The following BMP7 variants were observed in gnomAD, a reference collection of about 807,000 sequenced individuals.
The protein encoded by BMP7 is osteogenic protein 1.
BMP7 carries 12 observed loss-of-function variants against 41.2 expected under a neutral mutation model. The observed-to-expected ratio is 0.29, with a 90% CI of 0.19 to 0.47. The LOEUF (loss-of-function observed/expected upper bound fraction) is 0.47, where lower values mean the gene tolerates loss of function less well. Ranked by LOEUF, BMP7 falls within the 20% of genes least tolerant of loss-of-function variation. The pLI is 0.99. For synonymous variants in BMP7, 248 were observed against 250.0 expected (o/e 0.99, Z 0.07); for missense variants, 467 against 606.0 (o/e 0.77, Z 2.41).
chr20:57,200,107 C>T (rs965741984), intron 3 of BMP7, among the ~76,000 whole-genome samples: 1 of 152,234 alleles, frequency 6.6e-6, no homozygotes. Flanking sequence ...ACAGCATCTA[C>T]CTTGCTGGGT....
intron 3 of BMP7, among the ~76,000 whole-genome samples, chr20:57,192,312 T>A (rs1287579990): frequency 7.1e-6 from 1 of 140,310 alleles, no homozygotes; most frequent in Non-Finnish European, 1.5e-5. Flanking sequence ...ATATAAAATA[T>A]AGAAGACATA....
chr20:57,187,585 A>C (rs376551707), intron 3 of BMP7, among the ~76,000 whole-genome samples: 32 of 57,264 alleles, frequency 5.6e-4, no homozygotes, highest in Non-Finnish European at 1.1e-3. Flanking sequence ...CTCTCTCTCT[A>C]CACGATTGAG....
At chr20:57,235,977 A>G (rs990203570) in intron 1 of BMP7, among the ~76,000 whole-genome samples, 2 of 151,776 alleles carry the variant, frequency 1.3e-5, no homozygotes, top group Non-Finnish European at 2.9e-5. Flanking sequence ...CAGGGAGCTC[A>G]GAGGAGGCTC....
chr20:57,197,627 T>C (rs230191), intron 3 of BMP7, among the ~76,000 whole-genome samples: 67,217 of 152,114 alleles, frequency 0.44, 15,884 homozygotes, highest in South Asian at 0.56. Context: ...GTGATATCAA[T>C]TGTGCTACCT....
At chr20:57,254,647 TAA>T (rs11477082) in intron 1 of BMP7, among the ~76,000 whole-genome samples, 29 of 143,338 alleles carry the variant, frequency 2.0e-4, no homozygotes, top group South Asian at 9.0e-4. Flanking sequence ...ATTGATACAG[TAA>T]AAAAAAAAAA....
At position 57,226,272 on chromosome 20, in the gene BMP7, T is replaced by C. The variant is rs182728122; in HGVS notation, c.611+1957A>G. 5.3e-5 allele frequency among the ~76,000 whole-genome samples: 8 copies of C among 152,314 alleles called. No individual in the cohort carries two copies. In the East Asian group the frequency reaches 1.5e-3, roughly 29 times the overall value. On this transcript the variant is annotated intron_variant, in intron 2 of 6. Transcript: ENST00000395863. ...TGAGTGGAGAATCCAGATAACAGCC[T>C]GGACACAGAGGCTGTGGTTTCATCC...
chr20:57,231,920 G>A (rs988775763), intron 1 of BMP7, among the ~76,000 whole-genome samples: 15 of 152,230 alleles, frequency 9.9e-5, no homozygotes, highest in Non-Finnish European at 1.6e-4. Flanking sequence ...GCACATGTTT[G>A]CTGAGTGCTA....
At chr20:57,195,155 G>A (rs560189549) in intron 3 of BMP7, among the ~76,000 whole-genome samples, 21 of 152,296 alleles carry the variant, frequency 1.4e-4, no homozygotes, top group East Asian at 3.9e-4. Context: ...CGAACTCTGC[G>A]GAAAGACCCT....
rs571769906 is a variant in BMP7, at chr20:57,219,045, G to A, written c.611+9184C>T. On this transcript the variant is annotated intron_variant, in intron 2 of 6. Transcript: ENST00000395863. ...TTTGTTTGGTGGTAGCTGGCGTTCGGTGGTAGCTGGCATTTGTTTGGTGGT... is the reference window on the plus strand; with the variant it reads ...TTTGTTTGGTGGTAGCTGGCGTTCGATGGTAGCTGGCATTTGTTTGGTGGT... Among the ~76,000 whole-genome samples the A allele has an allele frequency of 9.0e-5, 13 of 145,240 alleles. No individual in the cohort carries two copies. In the South Asian group the frequency reaches 2.7e-3, roughly 30 times the overall value.
rs148632870 is a variant in BMP7, at chr20:57,171,099, T to C, written c.1156A>G (p.Ile386Val). The change falls in exon 7 of 7, where the codon ATC (isoleucine) becomes GTC (valine). Residue 386 changes from isoleucine to valine, a missense_variant. This residue lies in a region of BMP7 where 60 missense variants were observed against 120.1 expected (regional missense o/e 0.50). Coordinates refer to ENST00000395863, the MANE Select transcript of BMP7 (RefSeq NM_001719.3). The surrounding 1 kb of genome is among the most constrained non-coding windows in gnomAD (Gnocchi z 4.5). Reference sequence around the variant, plus strand: ...GGCTTGGGCACCGTTTCCGGGTTGATGAAGTGGACCTGAAACACACACCAA... The same window carrying C: ...GGCTTGGGCACCGTTTCCGGGTTGACGAAGTGGACCTGAAACACACACCAA... ...HAIVQTLVHF[I>V]NPETVPKPCC... 51 of 1,614,042 alleles carry C rather than the reference T, an allele frequency of 3.2e-5. No individual in the cohort carries two copies. The African/African-American group carries it at 5.6e-4, about 18-fold the overall frequency.
Position 57,228,674 on chromosome 20 carries a change from G to A in BMP7, c.419-253C>T, listed in dbSNP as rs995069182. On this transcript the variant is annotated intron_variant, in intron 1 of 6. Coordinates refer to ENST00000395863, the MANE Select transcript of BMP7 (RefSeq NM_001719.3). This position sits in a 1 kb window ranked among gnomAD's most constrained non-coding sequence, Gnocchi z 4.5. ...GCATCCAACCTGCTGGGAAAAGTAG[G>A]GCACTAACCACAGCCATCCAAGAGG... Among the ~76,000 whole-genome samples the A allele has an allele frequency of 3.9e-5, 6 of 152,162 alleles. No homozygotes were observed. The highest frequency in any genetic ancestry group is 8.8e-5 in the Non-Finnish European group (6 of 68,040).
At chr20:57,249,689 C>A (rs956537116) in intron 1 of BMP7, among the ~76,000 whole-genome samples, 7 of 152,150 alleles carry the variant, frequency 4.6e-5, no homozygotes, top group Non-Finnish European at 1.0e-4. Context: ...CAGGCATCTC[C>A]AATGAATTAC....
rs1221515882 is a variant in BMP7, at chr20:57,189,643, C to T, written c.761-5724G>A. ...CGATGAAACACACACTGACCTTCTC[C>T]CTGGTGGCCACAGAGGAGCTTCCCA... On this transcript the variant is annotated intron_variant, in intron 3 of 6. Coordinates refer to ENST00000395863, the MANE Select transcript of BMP7 (RefSeq NM_001719.3). Among the ~76,000 whole-genome samples the T allele has an allele frequency of 2.0e-5, 3 of 152,234 alleles. No individual in the cohort carries two copies. In the East Asian group the frequency reaches 5.8e-4, roughly 29 times the overall value.
At chr20:57,178,704 G>T (rs756842296) in intron 4 of BMP7, among the ~76,000 whole-genome samples, 8 of 152,144 alleles carry the variant, frequency 5.3e-5, no homozygotes, top group Non-Finnish European at 8.8e-5. Context: ...TTCCCTGTGG[G>T]GGGGTAGAAG....
rs903121883 is a variant in BMP7 at position 57,259,085 on chromosome 20, G to A, written c.418+6620C>T. Among the ~76,000 whole-genome samples the A allele has an allele frequency of 6.6e-6, 1 of 152,174 alleles. No individual in the cohort carries two copies. Among genetic ancestry groups the A allele is most frequent in the Non-Finnish European group, 1.5e-5 (1 of 68,036 alleles). On this transcript the variant is annotated intron_variant, in intron 1 of 6. Coordinates refer to ENST00000395863, the MANE Select transcript of BMP7 (RefSeq NM_001719.3). The surrounding 1 kb of genome is among the most constrained non-coding windows in gnomAD (Gnocchi z 4.7). ...ACACAGCTAATGTGCTGTCATAGTG[G>A]AAACAGACACATAGGTTTAGGCTGT...
At chr20:57,249,186 C>T (rs1202083541) in intron 1 of BMP7, among the ~76,000 whole-genome samples, 2 of 152,082 alleles carry the variant, frequency 1.3e-5, no homozygotes, top group Non-Finnish European at 2.9e-5. Flanking sequence ...CTTATAGTAT[C>T]TGCTGTCCCA....
At chr20:57,254,638 T>C (rs892175621) in intron 1 of BMP7, among the ~76,000 whole-genome samples, 8 of 141,064 alleles carry the variant, frequency 5.7e-5, no homozygotes, top group Admixed American at 7.0e-5. Context: ...CCAGTCTACA[T>C]TGATACAGTA....
At chr20:57,203,766 G>A (rs1483360950) in intron 2 of BMP7, among the ~76,000 whole-genome samples, 1 of 152,200 alleles carries the variant, frequency 6.6e-6, no homozygotes, top group Non-Finnish European at 1.5e-5. Context: ...GCATAATGAT[G>A]AACAACATGA....
intron 1 of BMP7, among the ~76,000 whole-genome samples, chr20:57,243,597 C>G (rs1036241351): frequency 6.6e-6 from 1 of 152,134 alleles, no homozygotes; most frequent in East Asian, 1.9e-4. Context: ...TACAAGGATC[C>G]TCACTCTGCT....
Sources: gnomAD v4.1 joint callset for allele counts (sites outside exome capture counted in the v4.1 genomes callset) on GRCh38, gnomAD v4.1.1 for gene constraint, gnomAD v4.1.1 regional missense constraint, Gnocchi (gnomAD v3.1) non-coding constraint, MANE v1.5 for transcripts, NCBI Gene and HGNC (gene_info 2026-07-23, HGNC 2026-07-21) for gene names.